Variants in CMTM8 observed in about 807,000 individuals in gnomAD.
CMTM8 encodes the protein CKLF like MARVEL transmembrane domain containing 8, also known as CKLF-like MARVEL transmembrane domain-containing protein 8.
A neutral mutation model predicts 18.6 loss-of-function variants in CMTM8; 12 were observed. The observed-to-expected ratio is 0.65, with a 90% CI of 0.41 to 1.05. The LOEUF is 1.05. Among genes scored for constraint, CMTM8 ranks in the 50% least tolerant of loss-of-function variants. The probability of loss-of-function intolerance (pLI) is 0.00; values close to 1 mark genes in which losing one functional copy is unlikely to be tolerated. For missense variants in CMTM8, 217 were observed against 227.2 expected, an observed-to-expected ratio of 0.95 and a Z score of 0.29; for synonymous variants, 87 against 90.6, an observed-to-expected ratio of 0.96 and a Z score of 0.23.
At chr3:32,365,596 C>T (rs763108375) in intron 2 of CMTM8, among the ~76,000 whole-genome samples, 2 of 152,218 alleles carry the variant, frequency 1.3e-5, no homozygotes, top group Admixed American at 6.5e-5. Flanking sequence ...CAGGGCCCAT[C>T]GCCACATTTG....
intron 3 of CMTM8, among the ~76,000 whole-genome samples, chr3:32,368,223 A>G (rs534812223): frequency 6.6e-6 from 1 of 152,354 alleles, no homozygotes; most frequent in East Asian, 1.9e-4. Context: ...CTGGAACAAG[A>G]TAAGTATTCA....
intron 1 of CMTM8, among the ~76,000 whole-genome samples, chr3:32,312,514 G>A (rs1001527999): frequency 1.2e-4 from 18 of 152,142 alleles, no homozygotes; most frequent in South Asian, 4.1e-4. Flanking sequence ...GGGCAGGGGT[G>A]TGGAGCAGGA....
chr3:32,334,170 G>A (rs1333911391), intron 1 of CMTM8, among the ~76,000 whole-genome samples: 1 of 151,510 alleles, frequency 6.6e-6, no homozygotes. Flanking sequence ...TAGAGATGGG[G>A]TTTCACCATC....
intron 1 of CMTM8, among the ~76,000 whole-genome samples, chr3:32,284,946 G>A (rs1308078284): frequency 1.3e-5 from 2 of 152,148 alleles, no homozygotes; most frequent in East Asian, 3.8e-4. Flanking sequence ...TTGTAAGGGG[G>A]AAAACTGAAG....
At chr3:32,320,472 G>A (rs1696021956) in intron 1 of CMTM8, among the ~76,000 whole-genome samples, 1 of 152,178 alleles carries the variant, frequency 6.6e-6, no homozygotes, top group African/African-American at 2.4e-5. Flanking sequence ...GCCTGAGGGT[G>A]GTAGGGGTGG....
At chr3:32,312,885 C>T (rs1695847655) in intron 1 of CMTM8, among the ~76,000 whole-genome samples, 1 of 151,722 alleles carries the variant, frequency 6.6e-6, no homozygotes, top group African/African-American at 2.4e-5. Context: ...GACTTTTTTT[C>T]ACCTTTATTG....
chr3:32,299,458 T>A (rs1695569891), intron 1 of CMTM8, among the ~76,000 whole-genome samples: 1 of 152,170 alleles, frequency 6.6e-6, no homozygotes, highest in Admixed American at 6.6e-5. Context: ...TAATCTGGTA[T>A]TAGGTCATTT....
chr3:32,295,488 A>AAAG (rs1702863006), intron 1 of CMTM8, among the ~76,000 whole-genome samples: 1 of 143,118 alleles, frequency 7.0e-6, no homozygotes, highest in Admixed American at 7.1e-5. Context: ...ACAAAACAAA[A>AAAG]CAGCGGAAAG....
intron 1 of CMTM8, among the ~76,000 whole-genome samples, chr3:32,249,972 A>G (rs1173193889): frequency 6.6e-6 from 1 of 152,196 alleles, no homozygotes; most frequent in Non-Finnish European, 1.5e-5. Flanking sequence ...CAGGGTCACA[A>G]AGATATACTC....
intron 1 of CMTM8, among the ~76,000 whole-genome samples, chr3:32,316,332 C>T (rs1559378019): frequency 6.6e-6 from 1 of 152,124 alleles, no homozygotes; most frequent in African/African-American, 2.4e-5. Context: ...CGGCCAATTC[C>T]ACCTTTTTAC....
At chr3:32,282,074 C>T (rs988063157) in intron 1 of CMTM8, among the ~76,000 whole-genome samples, 3 of 152,126 alleles carry the variant, frequency 2.0e-5, no homozygotes, top group African/African-American at 7.2e-5. Flanking sequence ...TAGACTTCTC[C>T]CCTGGATCCC....
At chr3:32,335,471 T>C (rs1262524714) in intron 1 of CMTM8, among the ~76,000 whole-genome samples, 1 of 152,182 alleles carries the variant, frequency 6.6e-6, no homozygotes, top group African/African-American at 2.4e-5. Flanking sequence ...TGGAAATGTG[T>C]GCAGGTAGAC....
intron 1 of CMTM8, chr3:32,259,911 G>A (rs1167904538): frequency 1.9e-6 from 2 of 1,053,812 alleles, no homozygotes; most frequent in Non-Finnish European, 2.9e-6. Context: ...AACAGCCTGA[G>A]GGAGGTGGAG....
At chr3:32,245,878 C>T (rs921839110) in intron 1 of CMTM8, among the ~76,000 whole-genome samples, 3 of 152,136 alleles carry the variant, frequency 2.0e-5, no homozygotes, top group Admixed American at 6.5e-5. Flanking sequence ...TAGCTCACTG[C>T]AACCTTAGCT....
chr3:32,337,020 A>G (rs1575182695), intron 1 of CMTM8, among the ~76,000 whole-genome samples: 1 of 152,084 alleles, frequency 6.6e-6, no homozygotes, highest in East Asian at 1.9e-4. Flanking sequence ...ATCACATTGC[A>G]AGGAGGCTCA....
At chr3:32,312,913 G>C (rs1157850724) in intron 1 of CMTM8, among the ~76,000 whole-genome samples, 1 of 151,844 alleles carries the variant, frequency 6.6e-6, no homozygotes, top group African/African-American at 2.4e-5. Flanking sequence ...GCTGTTCCAG[G>C]AACCAAGGAC....
chr3:32,334,478 C>T (rs1696346609), intron 1 of CMTM8, among the ~76,000 whole-genome samples: 1 of 151,586 alleles, frequency 6.6e-6, no homozygotes, highest in South Asian at 2.1e-4. Context: ...TGGTGGTGGG[C>T]GCCTGTAGTC....
intron 1 of CMTM8, among the ~76,000 whole-genome samples, chr3:32,319,809 C>G (rs1014297522): frequency 3.3e-5 from 5 of 152,254 alleles, no homozygotes; most frequent in Non-Finnish European, 7.3e-5. Flanking sequence ...CATGGCAGAA[C>G]TGTCAAAACA....
intron 1 of CMTM8, among the ~76,000 whole-genome samples, chr3:32,317,854 G>A (rs1405768091): frequency 6.6e-6 from 1 of 152,042 alleles, no homozygotes; most frequent in African/African-American, 2.4e-5. Context: ...AGGAGTTCAA[G>A]ACCAGCCTGG....
Sources: allele counts gnomAD v4.1 joint callset (sites outside exome capture counted in the v4.1 genomes callset), GRCh38; gene constraint gnomAD v4.1.1; transcripts MANE v1.5; gene names NCBI Gene and HGNC (gene_info 2026-07-23, HGNC 2026-07-21).